The following SGCG variants were observed in gnomAD, a reference collection of about 807,000 sequenced individuals.
SGCG encodes sarcoglycan gamma, also known as gamma-sarcoglycan.
A neutral mutation model predicts 29.3 loss-of-function variants in SGCG; 26 were observed. That is an observed-to-expected ratio of 0.89 (90% confidence interval 0.65 to 1.23). The LOEUF is 1.23. Among genes scored for constraint, SGCG ranks in the 50% most tolerant of loss-of-function variants. The pLI is 0.00. For missense variants in SGCG, 353 were observed against 356.0 expected (o/e 0.99, Z 0.07); for synonymous variants, 145 against 129.7 (o/e 1.12, Z -0.80).
At chr13:23,283,504 G>A (rs1233512188) in intron 5 of SGCG, among the ~76,000 whole-genome samples, 1 of 152,070 alleles carries the variant, frequency 6.6e-6, no homozygotes, top group Non-Finnish European at 1.5e-5. Flanking sequence ...TTGAGCCTAT[G>A]TGTGTTTCTG....
intron 6 of SGCG, among the ~76,000 whole-genome samples, chr13:23,308,692 G>C (rs1176396348): frequency 6.6e-6 from 1 of 152,048 alleles, no homozygotes; most frequent in Non-Finnish European, 1.5e-5. Context: ...AGCGCCCTGA[G>C]TAGCTGGAAT....
chr13:23,203,580 G>C, intron 1 of SGCG, 115 bp from the exon 2 acceptor site: 1 of 750,052 alleles, frequency 1.3e-6, no homozygotes, highest in Non-Finnish European at 2.4e-6. Context: ...GGAAATCTAT[G>C]ACTGGGATGA....
At position 23,287,864 on chromosome 13, in the gene SGCG, C is replaced by T. The variant is rs145665614; in HGVS notation, c.506-7551C>T. Among the ~76,000 whole-genome samples the T allele has an allele frequency of 1.1e-3, 167 of 152,208 alleles. 3 individuals are homozygous for T. The East Asian group carries it at 0.023, about 21-fold the overall frequency. Reference sequence around the variant, plus strand: ...TTGCCTCCTGGGTTCAAGCAATTCCCCTGCCTCATCCTCCCGAGTAGCTGA... The same window carrying T: ...TTGCCTCCTGGGTTCAAGCAATTCCTCTGCCTCATCCTCCCGAGTAGCTGA... On this transcript the variant is annotated intron_variant, in intron 5 of 7. Transcript: ENST00000218867.
intron 4 of SGCG, among the ~76,000 whole-genome samples, chr13:23,257,520 T>C (rs1880244969): frequency 6.6e-6 from 1 of 152,172 alleles, no homozygotes; most frequent in Admixed American, 6.5e-5. Context: ...GATGGTAGTT[T>C]CTTTTGCTGT....
chr13:23,282,677 A>T (rs1390765259), intron 5 of SGCG, among the ~76,000 whole-genome samples: 1 of 151,514 alleles, frequency 6.6e-6, no homozygotes, highest in African/African-American at 2.4e-5. Flanking sequence ...ATTCTTTTTA[A>T]TGACTGCATA....
chr13:23,299,452 A>C (rs867322077), intron 6 of SGCG, among the ~76,000 whole-genome samples: 1 of 43,432 alleles, frequency 2.3e-5, no homozygotes, highest in Non-Finnish European at 4.5e-5. Context: ...ATATATATAT[A>C]TATATTTTTT....
the SGCG span, among the ~76,000 whole-genome samples, chr13:23,170,937 A>G: frequency 1.3e-5 from 2 of 152,186 alleles, no homozygotes; most frequent in African/African-American, 4.8e-5. Context: ...GAAGCTGTTG[A>G]CCCATGATGT....
At chr13:23,302,457 A>G (rs188685044) in intron 6 of SGCG, among the ~76,000 whole-genome samples, 11 of 152,078 alleles carry the variant, frequency 7.2e-5, no homozygotes, top group African/African-American at 2.6e-4. Context: ...GCCCCTCCCT[A>G]TCCTCTCCTC....
intron 2 of SGCG, among the ~76,000 whole-genome samples, chr13:23,216,789 G>A (rs1032966590): frequency 6.6e-6 from 1 of 152,070 alleles, no homozygotes; most frequent in Admixed American, 6.5e-5. Context: ...GTTCTCTGTT[G>A]TTAATTACAT....
chr13:23,183,493 G>T (rs538230155), intron 1 of SGCG, among the ~76,000 whole-genome samples: 162 of 152,186 alleles, frequency 1.1e-3, no homozygotes, highest in Admixed American at 7.8e-4. Context: ...GAAGGGGTGT[G>T]TGCATTCCAG....
chr13:23,287,372 G>A (rs1433446440), intron 5 of SGCG, among the ~76,000 whole-genome samples: 2 of 151,464 alleles, frequency 1.3e-5, no homozygotes, highest in African/African-American at 2.4e-5. Flanking sequence ...CAGGAAACAA[G>A]AAATGAGCCT....
At chr13:23,306,239 G>A (rs1304448496) in intron 6 of SGCG, among the ~76,000 whole-genome samples, 1 of 152,126 alleles carries the variant, frequency 6.6e-6, no homozygotes, top group East Asian at 1.9e-4. Flanking sequence ...CATTTTCAAT[G>A]TTCTGGAATA....
At chr13:23,165,825 C>G in the SGCG span, among the ~76,000 whole-genome samples, 1 of 152,170 alleles carries the variant, frequency 6.6e-6, no homozygotes, top group African/African-American at 2.4e-5. Context: ...CCGTGCCCAG[C>G]CTGTTTCAAA....
At chr13:23,260,379 T>G (rs980193025) in intron 4 of SGCG, among the ~76,000 whole-genome samples, 2 of 152,170 alleles carry the variant, frequency 1.3e-5, no homozygotes, top group Non-Finnish European at 2.9e-5. Flanking sequence ...CTGCTTTTAT[T>G]TTGCTTTCCA....
chr13:23,180,358 G>A (rs958633930), upstream of SGCG, among the ~76,000 whole-genome samples: 4 of 152,172 alleles, frequency 2.6e-5, no homozygotes, highest in Non-Finnish European at 4.4e-5. Flanking sequence ...AGAAATGTTA[G>A]TTTACTAGAA....
chr13:23,241,309 A>C (rs989789388), intron 3 of SGCG, among the ~76,000 whole-genome samples: 15 of 151,596 alleles, frequency 9.9e-5, no homozygotes, highest in African/African-American at 3.4e-4. Flanking sequence ...ACAGAAATAC[A>C]AAACATCATC....
intron 6 of SGCG, among the ~76,000 whole-genome samples, chr13:23,316,568 G>A (rs503709): frequency 0.17 from 25,428 of 152,104 alleles, 2,729 homozygotes; most frequent in African/African-American, 0.3. Flanking sequence ...CCAGAAGGCC[G>A]TGTATGCTCT....
rs191470395 is a variant in SGCG, at chr13:23,314,358, A to T, written c.579-6279A>T. On this transcript the variant is annotated intron_variant, in intron 6 of 7. Transcript: ENST00000218867. ...TTTGAGAAATGCTTCTAAATTTTTT[A>T]AATGAAATGATGTCTGCTATAGGTT... Among the ~76,000 whole-genome samples, 831 of 100,942 alleles carry T rather than the reference A, an allele frequency of 8.2e-3. 12 individuals carry two copies. The highest frequency in any genetic ancestry group is 0.031 in the African/African-American group (776 of 25,382). 66.2% of individuals were successfully genotyped at this position (100,942 alleles called of 152,430 possible). A position where few individuals can be genotyped will look rare whatever the true frequency, so the allele number is the denominator to read the frequency against.
At chr13:23,212,006 A>G (rs901229694) in intron 2 of SGCG, among the ~76,000 whole-genome samples, 3 of 152,100 alleles carry the variant, frequency 2.0e-5, no homozygotes, top group Non-Finnish European at 4.4e-5. Context: ...TTGTCCTGAT[A>G]GAGTTATCAT....
Sources: gnomAD v4.1 joint callset for allele counts (sites outside exome capture counted in the v4.1 genomes callset) on GRCh38, gnomAD v4.1.1 for gene constraint, MANE v1.5 for transcripts, NCBI Gene and HGNC (gene_info 2026-07-23, HGNC 2026-07-21) for gene names.